The following CLUH variants were observed in gnomAD, a reference collection of about 807,000 sequenced individuals.
The protein encoded by CLUH is CLUH binding protein of NUMT mRNA.
CLUH carries 77 observed loss-of-function variants against 139.3 expected under a neutral mutation model. The ratio of observed to expected loss-of-function variants is 0.55; its 90% CI spans 0.46 to 0.67. The LOEUF (loss-of-function observed/expected upper bound fraction) is 0.67, where lower values mean the gene tolerates loss of function less well. CLUH is among the 30% of genes least tolerant of loss of function. The pLI is 0.00. For missense variants in CLUH, 1,876 were observed against 1,875.8 expected (o/e 1.00, Z 0.00); for synonymous variants, 999 against 801.6 (o/e 1.25, Z -4.16).
chr17:2,696,110 C>T, intron 13 of CLUH, 49 bp downstream of exon 13: 1 of 1,428,772 alleles, frequency 7.0e-7, no homozygotes. Context: ...AGATGAGGGA[C>T]CAGCACCCTC....
chr17:2,694,140 T>C lies in CLUH; in HGVS notation c.3074A>G (p.Gln1025Arg). ...CCACACACCCTGCTGCACTTTGGCC[T>C]GCCCGCTCTGGAAGAAATGGAAGGC... The part of the protein sequence containing the change: ...SDAFHFFQSG[Q>R]AKVQQGFLKE... Residue 1025 changes from glutamine (Q) to arginine (R), a missense_variant, in exon 18 of 26, where the codon CAG (glutamine) becomes CGG (arginine). Gln to Arg is a conservative substitution (Grantham distance 43). Transcript: ENST00000651024. 1 of 1,613,596 alleles carries C rather than the reference T, an allele frequency of 6.2e-7. No homozygotes were observed. The highest frequency in any genetic ancestry group is 8.5e-7 in the Non-Finnish European group (1 of 1,179,752).
intron 7 of CLUH, 95 bp downstream of exon 7, chr17:2,701,045 G>A (rs916698322): frequency 1.3e-6 from 2 of 1,591,300 alleles, no homozygotes; most frequent in African/African-American, 1.3e-5. Flanking sequence ...GCCCAGGGCG[G>A]TTTCTTCAGA....
At position 2,698,605 on chromosome 17, in the gene CLUH, G is replaced by C; in HGVS notation, c.1267-15C>G. On this transcript the variant is annotated splice_polypyrimidine_tract_variant and intron_variant, in intron 9 of 25. Coordinates refer to ENST00000651024, the MANE Select transcript of CLUH (RefSeq NM_001366661.1). ...TCGCTGTGCACCTGGCGGGGGTCGA[G>C]GAGGGCAGGGTTAGAGGCCGCGCCC... 1 of 1,572,822 alleles carries C rather than the reference G, an allele frequency of 6.4e-7. No homozygotes were observed. The highest frequency in any genetic ancestry group is 8.6e-7 in the Non-Finnish European group (1 of 1,158,252).
In CLUH at chr17:2,698,514, G is replaced by A; in HGVS notation, c.1343C>T (p.Pro448Leu). 1 of 1,612,896 alleles carries A rather than the reference G, an allele frequency of 6.2e-7. No homozygotes were observed. The highest frequency in any genetic ancestry group is 8.5e-7 in the Non-Finnish European group (1 of 1,179,688). The change falls in exon 10 of 26, where the codon CCC (proline) becomes CTC (leucine). Residue 448 changes from proline (P) to leucine (L), a missense_variant. Pro to Leu is a moderately conservative substitution (Grantham distance 98, BLOSUM62 -3). Around this residue, in one of 3 missense-constraint regions of CLUH, gnomAD observed 1,454 missense variants for 1,384.4 expected, o/e 1.05. Transcript: ENST00000651024. ...CATCTGCATCTTGGTCTCCTCGCTG[G>A]GGTTGATGGCCATCACGTTGCCGTC... ...VIDGNVMAIN[P>L]SEETKMQMFI...
rs1236770652 is a variant in CLUH, at chr17:2,701,477, G to A, written c.788C>T (p.Pro263Leu). The change falls in exon 6 of 26, where the codon CCG becomes CTG. Residue 263 changes from proline to leucine, a missense_variant. Transcript: ENST00000651024. ...LKVLTMSGWN[P>L]PPGNRKMHGD... is the part of the protein sequence containing the mutation. ...GTGCATCTTCCGGTTCCCCGGGGGC[G>A]GGTTCCATCCGCTCATGGTGAGTAC... The A allele has an allele frequency of 1.9e-6, 3 of 1,613,722 alleles. No individual in the cohort carries two copies. Among genetic ancestry groups the A allele is most frequent in the African/African-American group, 1.3e-5 (1 of 74,938 alleles).
rs552683035 is a variant in CLUH at position 2,692,729 on chromosome 17, C to G, written c.3313-33G>C. 9.4e-6 allele frequency: 15 copies of G among 1,602,524 alleles called. No individual in the cohort carries two copies. The South Asian group carries it at 1.7e-4, about 18-fold the overall frequency. On this transcript the variant is annotated intron_variant, in intron 20 of 25. Transcript: ENST00000651024. Reference sequence around the variant, plus strand: ...CGGGGCGGAGACAGGTCAGGGTGGCCGCGGACCCAGCCCCTCGCATCCCCC... The same window carrying G: ...CGGGGCGGAGACAGGTCAGGGTGGCGGCGGACCCAGCCCCTCGCATCCCCC...
At position 2,704,873 on chromosome 17, in the gene CLUH, A is replaced by C. The variant is rs1325761499; in HGVS notation, c.101-309T>G. Among the ~76,000 whole-genome samples the C allele has an allele frequency of 1.3e-5, 2 of 151,758 alleles. No individual in the cohort carries two copies. Among genetic ancestry groups the C allele is most frequent in the Non-Finnish European group, 2.9e-5 (2 of 67,900 alleles). ...CCCGAGGGTCTCCTCCGGCCCTAAC[A>C]CACCTAGCTTCCCAGCAGCAGTTCC... On this transcript the variant is annotated intron_variant, in intron 1 of 25. Coordinates refer to ENST00000651024, the MANE Select transcript of CLUH (RefSeq NM_001366661.1). This position sits in a 1 kb window ranked among gnomAD's most constrained non-coding sequence, Gnocchi z 5.7.
chr17:2,690,295 C>T lies in CLUH; in HGVS notation c.*299G>A. 2 of 362,788 alleles carry T rather than the reference C, an allele frequency of 5.5e-6. No individual in the cohort carries two copies. Among genetic ancestry groups the T allele is most frequent in the Non-Finnish European group, 4.9e-6 (1 of 202,462 alleles). 22.5% of individuals were successfully genotyped at this position (362,788 alleles called of 1,614,324 possible). The stretch of plus-strand genomic sequence containing the variant: ...TCACAGCCAGGGGCGCACTCGCACA[C>T]GCCGGCCGGACGGCGGGGGCCGAAG... On this transcript the variant is annotated 3_prime_UTR_variant, in exon 26 of 26. Coordinates refer to ENST00000651024, the MANE Select transcript of CLUH (RefSeq NM_001366661.1).
chr17:2,694,821 A>AAGCCCCCCCCCCC, intron 16 of CLUH, 36 bp downstream of exon 16: 1 of 1,446,332 alleles, frequency 6.9e-7, no homozygotes, highest in Non-Finnish European at 9.2e-7. Flanking sequence ...CATCTGCCCA[A>AAGCCCCCCCCCCC]TCCCACCCAC....
At position 2,707,105 on chromosome 17, in the gene CLUH, C is replaced by T; in HGVS notation, c.101-2541G>A. 1 of 910,272 alleles carries T rather than the reference C, an allele frequency of 1.1e-6. No individual in the cohort carries two copies. The highest frequency in any genetic ancestry group is 5.0e-5 in the South Asian group (1 of 19,876). 56.4% of individuals were successfully genotyped at this position (910,272 alleles called of 1,614,324 possible). ...CCTAGGAACCCCGAAGGTCTCCCCA[C>T]CCCTGGATGAAGGCTGAGCGATCTC... On this transcript the variant is annotated intron_variant, in intron 1 of 25. Transcript: ENST00000651024. The surrounding 1 kb of genome is among the most constrained non-coding windows in gnomAD (Gnocchi z 7.4).
intron 10 of CLUH, among the ~76,000 whole-genome samples, chr17:2,697,659 G>A (rs187784098): frequency 6.6e-6 from 1 of 152,206 alleles, no homozygotes; most frequent in Non-Finnish European, 1.5e-5. Flanking sequence ...TAAGAGAACA[G>A]TGTCCGCCAC....
At position 2,693,921 on chromosome 17, in the gene CLUH, G is replaced by A. The variant is rs766892670; in HGVS notation, c.3210C>T (p.Tyr1070=). The change falls in exon 19 of 26, where the codon TAC becomes TAT. Residue 1070 remains tyrosine, a synonymous_variant. Coordinates refer to ENST00000651024, the MANE Select transcript of CLUH (RefSeq NM_001366661.1). ...GTACCTCTGCGTAGTCGCCCATGAT[G>A]TAGTGGAGGCGGGCGAGGAGGCGCA... ...ACLRLLARLH[Y]IMGDYAEALS... is the part of the protein sequence containing the mutation. 6.2e-7 allele frequency: 1 copy of A among 1,613,404 alleles called. No individual in the cohort carries two copies. The highest frequency in any genetic ancestry group is 8.5e-7 in the Non-Finnish European group (1 of 1,179,682).
At position 2,700,674 on chromosome 17, in the gene CLUH, G is replaced by A. The variant is rs1185281152; in HGVS notation, c.1173+4C>T. ...CAGCGAGGGCAGGGCCAGGTTGCAG[G>A]CACCTGTCCAGGAATGTGCTCCTCA... On this transcript the variant is annotated splice_donor_region_variant and intron_variant, in intron 8 of 25. Transcript: ENST00000651024. 6.6e-7 allele frequency: 1 copy of A among 1,520,026 alleles called. No homozygotes were observed. The highest frequency in any genetic ancestry group is 2.2e-5 in the Admixed American group (1 of 46,224). The allele number at this position is 1,520,026 out of a possible 1,614,324, so 94.2% of individuals were successfully genotyped here. A position where few individuals can be genotyped will look rare whatever the true frequency, so the allele number is the denominator to read the frequency against.
At position 2,704,240 on chromosome 17, in the gene CLUH, C is replaced by T. The variant is rs1207417146; in HGVS notation, c.303+122G>A. 16 of 1,053,914 alleles carry T rather than the reference C, an allele frequency of 1.5e-5. No individual in the cohort carries two copies. The highest frequency in any genetic ancestry group is 2.0e-5 in the Non-Finnish European group (15 of 735,572). 65.3% of individuals were successfully genotyped at this position (1,053,914 alleles called of 1,614,324 possible). A position where few individuals can be genotyped will look rare whatever the true frequency, so the allele number is the denominator to read the frequency against. On this transcript the variant is annotated intron_variant, in intron 2 of 25. Transcript: ENST00000651024. The surrounding 1 kb of genome is among the most constrained non-coding windows in gnomAD (Gnocchi z 5.7). ...TAGCTGAGTGACTCTAGGGAGGGCA[C>T]GGGATCCTCAGTTTCCTGCCACAAA...
Position 2,698,453 on chromosome 17 carries a change from G to A in CLUH, c.1404C>T (p.Phe468=), listed in dbSNP as rs779182856. Reference sequence around the variant, plus strand: ...AGTCCTTGTAGTGGTCTCGGACGTCGAAGCCCAGGCTGAAGAAGATGTTGT... The same window carrying A: ...AGTCCTTGTAGTGGTCTCGGACGTCAAAGCCCAGGCTGAAGAAGATGTTGT... ...IWNNIFFSLG[F]DVRDHYKDFG... is the part of the protein sequence containing the mutation. Residue 468 remains phenylalanine (F), a synonymous_variant, in exon 10 of 26, where the codon TTC becomes TTT. Coordinates refer to ENST00000651024, the MANE Select transcript of CLUH (RefSeq NM_001366661.1). 4 of 1,613,350 alleles carry A rather than the reference G, an allele frequency of 2.5e-6. No homozygotes were observed. The highest frequency in any genetic ancestry group is 3.4e-6 in the Non-Finnish European group (4 of 1,179,838).
chr17:2,696,565 C>A, intron 11 of CLUH, 27 bp from the exon 12 acceptor site: 2 of 1,546,062 alleles, frequency 1.3e-6, no homozygotes, highest in South Asian at 1.2e-5. Context: ...CCATGAGACA[C>A]GGGTCCCCTC....
Position 2,696,418 on chromosome 17 carries a change from G to C in CLUH, c.2290+16C>G. Reference sequence around the variant, plus strand: ...GCCCTGGAGGGCTCCTGCGCTGGCCGGCCCCCACCACCTGCCTGGTGAGAA... The same window carrying C: ...GCCCTGGAGGGCTCCTGCGCTGGCCCGCCCCCACCACCTGCCTGGTGAGAA... On this transcript the variant is annotated intron_variant, in intron 12 of 25. Transcript: ENST00000651024. The C allele has an allele frequency of 6.4e-7, 1 of 1,568,562 alleles. No individual in the cohort carries two copies. The highest frequency in any genetic ancestry group is 8.6e-7 in the Non-Finnish European group (1 of 1,157,836).
At position 2,692,030 on chromosome 17, in the gene CLUH, C is replaced by T; in HGVS notation, c.3628G>A (p.Glu1210Lys). Residue 1210 changes from glutamate (E) to lysine (K), a missense_variant, in exon 23 of 26, where the codon GAG (glutamate) becomes AAG (lysine). Glu to Lys is a moderately conservative substitution (Grantham distance 56). Transcript: ENST00000651024. ...EFRSALQHEK[E>K]GYTIYKTQLG... Reference sequence around the variant, plus strand: ...TGCGTCTTGTAGATGGTGTAACCCTCCTTCTCGTGCTGCAGGGCCGACCGG... The same window carrying T: ...TGCGTCTTGTAGATGGTGTAACCCTTCTTCTCGTGCTGCAGGGCCGACCGG... 6.3e-6 allele frequency: 10 copies of T among 1,591,326 alleles called. No individual in the cohort carries two copies. Among genetic ancestry groups the T allele is most frequent in the Non-Finnish European group, 8.6e-6 (10 of 1,169,418 alleles).
rs776361105 is a variant in CLUH, at chr17:2,695,463, G to C, written c.2455C>G (p.Arg819Gly). The C allele has an allele frequency of 5.1e-5, 82 of 1,611,182 alleles. No homozygotes were observed. Among genetic ancestry groups the C allele is most frequent in the Admixed American group, 1.3e-4 (8 of 59,992 alleles). Residue 819 changes from arginine to glycine, a missense_variant, in exon 14 of 26, where the codon CGC becomes GGC. Physicochemically the swap from Arg to Gly is moderately radical, Grantham distance 125. Around this residue, in one of 3 missense-constraint regions of CLUH, gnomAD observed 1,454 missense variants for 1,384.4 expected, o/e 1.05. Coordinates refer to ENST00000651024, the MANE Select transcript of CLUH (RefSeq NM_001366661.1). ...TAGCGCATGTTGATGCCCCGCTGGC[G>C]CATCACCTCTGCCAGCGTTGCCCCG... is the stretch of plus-strand genomic sequence containing the variant. Reference protein sequence around the residue: ...VDGATLAEVMRQRGINMRYLG... With the variant: ...VDGATLAEVMGQRGINMRYLG...
Sources: allele counts gnomAD v4.1 joint callset (sites outside exome capture counted in the v4.1 genomes callset), GRCh38; gene constraint gnomAD v4.1.1; regional missense constraint gnomAD v4.1.1; non-coding constraint Gnocchi (gnomAD v3.1); transcripts MANE v1.5; gene names NCBI Gene and HGNC (gene_info 2026-07-23, HGNC 2026-07-21).